The following RNLS variants were observed in gnomAD, a reference collection of about 807,000 sequenced individuals.
RNLS encodes the protein renalase.
Under a neutral mutation model 39.8 loss-of-function variants are expected in RNLS, and 39 were observed. The ratio of observed to expected loss-of-function variants is 0.98; its 90% CI spans 0.76 to 1.28. The LOEUF (loss-of-function observed/expected upper bound fraction) is 1.28. RNLS is among the 50% of genes most tolerant of loss of function. The pLI, the probability that RNLS is intolerant of heterozygous loss-of-function variation, is 0.00. For missense variants in RNLS, 410 were observed against 413.3 expected, an observed-to-expected ratio of 0.99 and a Z score of 0.07; for synonymous variants, 147 against 150.7, an observed-to-expected ratio of 0.98 and a Z score of 0.18.
At position 88,315,740 on chromosome 10, in the gene RNLS, T is replaced by TTG. The variant is rs1182473500; in HGVS notation, c.701-1100_701-1099insCA. ...CGCTTAACCTCTTTACATTTCAGGT[T>TTG]TTTTTTTTTTTTTAATGAGAATAAG... On this transcript the variant is annotated intron_variant, in intron 5 of 6. Transcript: ENST00000331772. Among the ~76,000 whole-genome samples, 250 of 148,996 alleles carry TTG rather than the reference T, an allele frequency of 1.7e-3. 1 individual carries two copies. Among genetic ancestry groups the TTG allele is most frequent in the Non-Finnish European group, 2.6e-3 (176 of 66,858 alleles).
intron 4 of RNLS, among the ~76,000 whole-genome samples, chr10:88,518,896 C>T (rs940533491): frequency 6.6e-6 from 1 of 151,982 alleles, no homozygotes; most frequent in Non-Finnish European, 1.5e-5. Context: ...TAGTAAAGTC[C>T]AGGACTACAT....
At chr10:88,510,348 CA>C (rs1392807156) in intron 4 of RNLS, among the ~76,000 whole-genome samples, 1 of 151,994 alleles carries the variant, frequency 6.6e-6, no homozygotes, top group East Asian at 1.9e-4. Flanking sequence ...AAAACTGAAA[CA>C]TATAATTTGT....
rs184776614 is a variant in RNLS at position 88,482,595 on chromosome 10, C to G, written c.526+90308G>C. The stretch of plus-strand genomic sequence containing the variant: ...AATTCTTTAAATCTGAATTTTAGTT[C>G]TTTGAACATGCTTATAATAGCTGCT... On this transcript the variant is annotated intron_variant, in intron 4 of 6. Transcript: ENST00000331772. Among the ~76,000 whole-genome samples, 230 of 152,006 alleles carry G rather than the reference C, an allele frequency of 1.5e-3. 1 individual carries two copies. The highest frequency in any genetic ancestry group is 2.6e-3 in the Non-Finnish European group (178 of 67,970).
chr10:88,241,021 A>T, the RNLS span, among the ~76,000 whole-genome samples: 3 of 150,552 alleles, frequency 2.0e-5, no homozygotes, highest in Non-Finnish European at 4.4e-5. Flanking sequence ...TTCTTACATG[A>T]AATGTAAGAA....
chr10:88,211,700 C>T, the RNLS span, among the ~76,000 whole-genome samples: 1 of 152,040 alleles, frequency 6.6e-6, no homozygotes, highest in East Asian at 1.9e-4. Context: ...AGAGATGGAG[C>T]TGAGAAGGTG....
chr10:88,470,413 T>C (rs1240446313), intron 4 of RNLS, among the ~76,000 whole-genome samples: 1 of 152,190 alleles, frequency 6.6e-6, no homozygotes. Context: ...ACATAAGTTC[T>C]CTGTTTTATA....
At chr10:88,213,995 A>T in the RNLS span, among the ~76,000 whole-genome samples, 1 of 152,180 alleles carries the variant, frequency 6.6e-6, no homozygotes, top group African/African-American at 2.4e-5. Context: ...AGCATTGGGC[A>T]CAGCTGGATT....
intron 4 of RNLS, among the ~76,000 whole-genome samples, chr10:88,401,915 CCAGA>C (rs1331213050): frequency 6.6e-6 from 1 of 151,870 alleles, no homozygotes; most frequent in Non-Finnish European, 1.5e-5. Context: ...TCAATCTGGG[CCAGA>C]CAAATTCTTA....
At chr10:88,340,162 G>A (rs1446633931) in intron 5 of RNLS, among the ~76,000 whole-genome samples, 4 of 152,222 alleles carry the variant, frequency 2.6e-5, no homozygotes, top group East Asian at 1.9e-4. Context: ...AAACCAAGGA[G>A]GTGAGATTTC....
intron 4 of RNLS, among the ~76,000 whole-genome samples, chr10:88,547,225 C>T (rs1313797209): frequency 6.6e-6 from 1 of 152,180 alleles, no homozygotes; most frequent in Non-Finnish European, 1.5e-5. Context: ...CACATTGATT[C>T]ATGATAGCAC....
chr10:88,298,004 T>A (rs1358006681), intron 6 of RNLS, among the ~76,000 whole-genome samples: 1 of 152,126 alleles, frequency 6.6e-6, no homozygotes, highest in African/African-American at 2.4e-5. Context: ...TTATTCTGTA[T>A]CTTGTAGCCA....
chr10:88,583,249 T>G lies in RNLS; in HGVS notation c.-59A>C. 6.3e-7 allele frequency: 1 copy of G among 1,599,340 alleles called. No individual in the cohort carries two copies. Among genetic ancestry groups the G allele is most frequent in the Non-Finnish European group, 8.5e-7 (1 of 1,175,078 alleles). ...TGCGGCGGGGCCGTTCGGCCCGGGC[T>G]TTCTGGAAAGGCGGCCGAACCGGCG... On this transcript the variant is annotated 5_prime_UTR_variant, in exon 1 of 7. Transcript: ENST00000331772.
chr10:88,233,101 AC>A, the RNLS span, among the ~76,000 whole-genome samples: 1 of 152,192 alleles, frequency 6.6e-6, no homozygotes, highest in East Asian at 1.9e-4. Flanking sequence ...CTGCGTCTAA[AC>A]CCCTTACTCT....
intron 4 of RNLS, among the ~76,000 whole-genome samples, chr10:88,440,591 C>A (rs1403221886): frequency 6.6e-6 from 1 of 152,214 alleles, no homozygotes; most frequent in African/African-American, 2.4e-5. Flanking sequence ...TCCCTTACCT[C>A]TATAATCCTT....
intron 5 of RNLS, among the ~76,000 whole-genome samples, 182 bp from the exon 6 acceptor site, chr10:88,314,823 A>C (rs934493522): frequency 6.6e-6 from 1 of 152,232 alleles, no homozygotes; most frequent in Non-Finnish European, 1.5e-5. Flanking sequence ...AACTTCTCTG[A>C]AGAGGAAGAC....
intron 4 of RNLS, among the ~76,000 whole-genome samples, chr10:88,529,542 T>A (rs773093901): frequency 6.6e-6 from 1 of 152,198 alleles, no homozygotes; most frequent in Non-Finnish European, 1.5e-5. Context: ...AACACTGTTA[T>A]GATTGTATAT....
intron 4 of RNLS, among the ~76,000 whole-genome samples, chr10:88,411,528 T>A (rs1163393712): frequency 1.3e-5 from 2 of 152,064 alleles, no homozygotes; most frequent in Non-Finnish European, 2.9e-5. Context: ...TTCTGTTTTT[T>A]TTTTTTCCAC....
chr10:88,405,525 G>C (rs144178939), intron 4 of RNLS, among the ~76,000 whole-genome samples: 2,607 of 152,062 alleles, frequency 0.017, 29 homozygotes, highest in Non-Finnish European at 0.026. Context: ...ACCCCTGCTT[G>C]CTTTTGGTGT....
Position 88,583,005 on chromosome 10 carries a change from G to T in RNLS, c.118+68C>A, listed in dbSNP as rs528729097. 2,912 of 1,551,130 alleles carry T rather than the reference G, an allele frequency of 1.9e-3. 6 individuals are homozygous for T. The highest frequency in any genetic ancestry group is 2.0e-3 in the Non-Finnish European group (2,314 of 1,138,538). Reference sequence around the variant, plus strand: ...TCGCCTTAGACTTTCTTGGGTGCAGGCCCACACCACCTCAGCAGCCTGCCC... The same window carrying T: ...TCGCCTTAGACTTTCTTGGGTGCAGTCCCACACCACCTCAGCAGCCTGCCC... On this transcript the variant is annotated intron_variant, in intron 1 of 6. Transcript: ENST00000331772.
Sources: gnomAD v4.1 joint callset for allele counts (sites outside exome capture counted in the v4.1 genomes callset) on GRCh38, gnomAD v4.1.1 for gene constraint, MANE v1.5 for transcripts, NCBI Gene and HGNC (gene_info 2026-07-23, HGNC 2026-07-21) for gene names.